NUDCD1: variants seen among roughly 807,000 people sequenced by gnomAD.
NUDCD1 encodes nudC domain-containing protein 1.
In NUDCD1, 60 loss-of-function variants were observed where a neutral mutation model predicts 67.8. The observed-to-expected ratio is 0.88, with a 90% confidence interval of 0.72 to 1.10. The LOEUF is 1.10. NUDCD1 is among the 50% of genes least tolerant of loss of function. NUDCD1 has a pLI of 0.00. For missense variants in NUDCD1, 643 were observed against 695.0 expected (o/e 0.93, Z 0.84); for synonymous variants, 244 against 230.8 (o/e 1.06, Z -0.52).
At chr8:109,307,716 A>C (rs980833579) in intron 2 of NUDCD1, among the ~76,000 whole-genome samples, 1 of 152,250 alleles carries the variant, frequency 6.6e-6, no homozygotes, top group African/African-American at 2.4e-5. Flanking sequence ...AGAATTCATC[A>C]ACCCATTTGC....
chr8:109,292,193 T>C lies in NUDCD1; in HGVS notation c.640+1151A>G, dbSNP rs116231167. Among the ~76,000 whole-genome samples the C allele has an allele frequency of 7.3e-3, 1,114 of 152,306 alleles. 19 individuals carry two copies. Among genetic ancestry groups the C allele is most frequent in the African/African-American group, 0.026 (1,076 of 41,566 alleles). ...TACTCATTCATTTATATATTGTCTA[T>C]GGATGCTTTTGTACTGTGTTGGCAT... On this transcript the variant is annotated intron_variant, in intron 4 of 9. Transcript: ENST00000239690.
chr8:109,312,718 C>T lies in NUDCD1; in HGVS notation c.273+9591G>A, dbSNP rs139632251. On this transcript the variant is annotated intron_variant, in intron 2 of 9. Coordinates refer to ENST00000239690, the MANE Select transcript of NUDCD1 (RefSeq NM_032869.4). ...GCAGACCCTGACATTACGGAGAAGG[C>T]CTAGCAGTATCAGCCAGGCCTTTGT... Among the ~76,000 whole-genome samples, 775 of 152,262 alleles carry T rather than the reference C, an allele frequency of 5.1e-3. 2 individuals carry two copies. Among genetic ancestry groups the T allele is most frequent in the Middle Eastern group, 0.027 (8 of 294 alleles).
chr8:109,334,052 T>C lies in NUDCD1; in HGVS notation c.-42A>G, dbSNP rs776503105. ...AGCGTGAGAATTAATAAAGCCCTTG[T>C]TGAAAGGTCCGCGCTTCACGCCTCG... On this transcript the variant is annotated 5_prime_UTR_variant, in exon 1 of 10. Coordinates refer to ENST00000239690, the MANE Select transcript of NUDCD1 (RefSeq NM_032869.4). 25 of 1,612,778 alleles carry C rather than the reference T, an allele frequency of 1.6e-5. No individual in the cohort carries two copies. Among genetic ancestry groups the C allele is most frequent in the Middle Eastern group, 1.6e-4 (1 of 6,064 alleles).
intron 3 of NUDCD1, among the ~76,000 whole-genome samples, chr8:109,294,215 A>T (rs1346303659): frequency 1.3e-5 from 2 of 152,222 alleles, no homozygotes; most frequent in Non-Finnish European, 2.9e-5. Flanking sequence ...TAACTGAAAA[A>T]AAGGTAGCTT....
At chr8:109,281,495 A>AAC (rs150164647) in intron 5 of NUDCD1, among the ~76,000 whole-genome samples, 7 of 151,398 alleles carry the variant, frequency 4.6e-5, no homozygotes, top group South Asian at 2.1e-4. Context: ...CCTTTAAACA[A>AAC]ACACACACAC....
At chr8:109,319,348 T>C (rs1352421720) in intron 2 of NUDCD1, among the ~76,000 whole-genome samples, 1 of 152,126 alleles carries the variant, frequency 6.6e-6, no homozygotes, top group East Asian at 1.9e-4. Context: ...CTATGGCTGA[T>C]TTCACACTAC....
chr8:109,297,778 CA>C (rs1447967879), intron 2 of NUDCD1, among the ~76,000 whole-genome samples: 7 of 152,152 alleles, frequency 4.6e-5, no homozygotes, highest in African/African-American at 1.7e-4. Flanking sequence ...AAATGTTTTA[CA>C]AGAGAATATA....
intron 8 of NUDCD1, among the ~76,000 whole-genome samples, chr8:109,267,211 T>C (rs1237772753): frequency 1.3e-5 from 2 of 152,156 alleles, no homozygotes; most frequent in Non-Finnish European, 2.9e-5. Flanking sequence ...GTGCACAGAT[T>C]ATTTCGCCAA....
At chr8:109,320,297 C>T (rs955759435) in intron 2 of NUDCD1, among the ~76,000 whole-genome samples, 17 of 151,996 alleles carry the variant, frequency 1.1e-4, no homozygotes, top group East Asian at 1.9e-4. Context: ...CCATAAGAGA[C>T]GACCATGCCC....
chr8:109,325,021 C>T (rs758143584), intron 1 of NUDCD1, among the ~76,000 whole-genome samples: 1 of 152,134 alleles, frequency 6.6e-6, no homozygotes, highest in African/African-American at 2.4e-5. Context: ...ACCCAGGAGG[C>T]AGAGGTTGCA....
intron 2 of NUDCD1, among the ~76,000 whole-genome samples, chr8:109,309,365 G>A (rs900422598): frequency 6.6e-6 from 1 of 152,156 alleles, no homozygotes; most frequent in Non-Finnish European, 1.5e-5. Flanking sequence ...AAAATCACAT[G>A]ATCATCTCAA....
chr8:109,306,633 C>CA (rs1448783913), intron 2 of NUDCD1, among the ~76,000 whole-genome samples: 1 of 149,270 alleles, frequency 6.7e-6, no homozygotes, highest in African/African-American at 2.5e-5. Flanking sequence ...TATGTTGAAC[C>CA]CCCCCCACCC....
intron 8 of NUDCD1, among the ~76,000 whole-genome samples, chr8:109,247,916 C>A (rs1206693862): frequency 7.3e-6 from 1 of 137,634 alleles, no homozygotes; most frequent in Admixed American, 7.8e-5. Context: ...CATCTAAATC[C>A]CTTGGAACCT....
intron 5 of NUDCD1, among the ~76,000 whole-genome samples, chr8:109,289,007 T>C (rs2130012833): frequency 6.6e-6 from 1 of 151,574 alleles, no homozygotes; most frequent in South Asian, 2.1e-4. Flanking sequence ...TGAGACAGTC[T>C]CGCTGTTGCC....
chr8:109,302,701 C>T (rs1336237577), intron 2 of NUDCD1, among the ~76,000 whole-genome samples: 1 of 152,136 alleles, frequency 6.6e-6, no homozygotes, highest in African/African-American at 2.4e-5. Context: ...AAGACATCTC[C>T]CAAATCAGTT....
At chr8:109,245,977 G>A (rs951935940) in intron 8 of NUDCD1, among the ~76,000 whole-genome samples, 8 of 152,174 alleles carry the variant, frequency 5.3e-5, no homozygotes, top group East Asian at 1.9e-4. Flanking sequence ...ATTCTCACAG[G>A]AGGGTGAACA....
chr8:109,258,478 G>GGAA (rs1813789299), intron 8 of NUDCD1, among the ~76,000 whole-genome samples: 3 of 151,986 alleles, frequency 2.0e-5, no homozygotes, highest in African/African-American at 7.2e-5. Flanking sequence ...TCTAGTGTGT[G>GGAA]AGGGGCAGTC....
chr8:109,320,078 A>T (rs1020089015), intron 2 of NUDCD1, among the ~76,000 whole-genome samples: 1 of 152,192 alleles, frequency 6.6e-6, no homozygotes, highest in African/African-American at 2.4e-5. Context: ...AAGTAGAGGC[A>T]GGGCGAGATC....
chr8:109,304,208 G>A (rs1175939750), intron 2 of NUDCD1, among the ~76,000 whole-genome samples: 5 of 152,106 alleles, frequency 3.3e-5, no homozygotes, highest in African/African-American at 9.7e-5. Context: ...CACAAGAGCC[G>A]GGACCGTGCT....
Sources: gnomAD v4.1 joint callset for allele counts (sites outside exome capture counted in the v4.1 genomes callset) on GRCh38, gnomAD v4.1.1 for gene constraint, MANE v1.5 for transcripts, NCBI Gene and HGNC (gene_info 2026-07-23, HGNC 2026-07-21) for gene names.